The following ATP8A2 variants were observed in gnomAD, a reference collection of about 807,000 sequenced individuals.
The protein encoded by ATP8A2 is phospholipid-transporting ATPase IB.
Under a neutral mutation model 165.6 loss-of-function variants are expected in ATP8A2, and 100 were observed. The ratio of observed to expected loss-of-function variants is 0.60; its 90% CI spans 0.51 to 0.71. The LOEUF (loss-of-function observed/expected upper bound fraction) is 0.71, where lower values mean the gene tolerates loss of function less well. Among genes scored for constraint, ATP8A2 ranks in the 30% least tolerant of loss-of-function variants. The pLI, the probability that ATP8A2 is intolerant of heterozygous loss-of-function variation, is 0.00. For synonymous variants in ATP8A2, 543 were observed against 548.8 expected, an observed-to-expected ratio of 0.99 and a Z score of 0.15; for missense variants, 1,227 against 1,479.5, an observed-to-expected ratio of 0.83 and a Z score of 2.80.
At chr13:25,531,271 G>GAT (rs1361089435) in intron 4 of ATP8A2, among the ~76,000 whole-genome samples, 1 of 98,998 alleles carries the variant, frequency 1.0e-5, no homozygotes, top group Non-Finnish European at 2.0e-5. Context: ...TGATATATAT[G>GAT]ATATATATGT....
Position 25,973,810 on chromosome 13 carries a change from T to C in ATP8A2, c.3377+5131T>C, listed in dbSNP as rs140168342. Among the ~76,000 whole-genome samples the C allele has an allele frequency of 4.3e-3, 656 of 152,352 alleles. 6 individuals are homozygous for C. The highest frequency in any genetic ancestry group is 0.015 in the African/African-American group (612 of 41,590). On this transcript the variant is annotated intron_variant, in intron 35 of 36. Transcript: ENST00000381655. ...GGCCTTTTGCACCGGACTCCAACAA[T>C]GACTGCGTCACTTCAGGAAATCGGT...
At chr13:25,530,744 A>G (rs1247018519) in intron 4 of ATP8A2, 84 bp downstream of exon 4, 2 of 864,824 alleles carry the variant, frequency 2.3e-6, no homozygotes, top group East Asian at 2.7e-5. Flanking sequence ...TATTTAAGGC[A>G]GGAAATTGGG....
intron 1 of ATP8A2, among the ~76,000 whole-genome samples, chr13:25,420,253 TGAAAA>T (rs375553018): frequency 7.2e-5 from 11 of 152,304 alleles, no homozygotes; most frequent in Non-Finnish European, 1.3e-4. Context: ...AAAAACCACT[TGAAAA>T]GAACCATTTT....
At chr13:25,899,124 C>G (rs767789641) in intron 33 of ATP8A2, among the ~76,000 whole-genome samples, 1 of 152,234 alleles carries the variant, frequency 6.6e-6, no homozygotes, top group African/African-American at 2.4e-5. Context: ...GTGTCGCTCA[C>G]TCTGGGAACT....
intron 24 of ATP8A2, among the ~76,000 whole-genome samples, chr13:25,673,934 G>T (rs1002340491): frequency 6.6e-6 from 1 of 152,256 alleles, no homozygotes; most frequent in East Asian, 1.9e-4. Flanking sequence ...TCCATATGCC[G>T]CTTTGTCATC....
intron 35 of ATP8A2, among the ~76,000 whole-genome samples, chr13:26,011,773 A>G (rs1250432473): frequency 6.6e-6 from 1 of 152,030 alleles, no homozygotes; most frequent in Non-Finnish European, 1.5e-5. Context: ...GTCTCTGCAA[A>G]AAATGTTTAA....
chr13:26,015,400 T>G (rs1220831406), intron 36 of ATP8A2, among the ~76,000 whole-genome samples: 1 of 152,174 alleles, frequency 6.6e-6, no homozygotes, highest in African/African-American at 2.4e-5. Context: ...TTTTAGTTCC[T>G]GTGAGCCACC....
chr13:25,651,990 G>A (rs1245104321), intron 24 of ATP8A2, among the ~76,000 whole-genome samples: 1 of 152,024 alleles, frequency 6.6e-6, no homozygotes, highest in Non-Finnish European at 1.5e-5. Context: ...ATCTCTAACT[G>A]TAATCAAACT....
At chr13:25,862,432 T>C in intron 33 of ATP8A2, 24 bp downstream of exon 33, 1 of 1,527,768 alleles carries the variant, frequency 6.5e-7, no homozygotes, top group Non-Finnish European at 9.1e-7. Context: ...ATTGGGAGTG[T>C]GTCTTCTGTG....
At chr13:25,596,148 C>G (rs558322432) in intron 24 of ATP8A2, among the ~76,000 whole-genome samples, 1 of 152,184 alleles carries the variant, frequency 6.6e-6, no homozygotes, top group Non-Finnish European at 1.5e-5. Flanking sequence ...CTTTAAGCTT[C>G]CCAGTGCAGT....
chr13:25,473,895 A>T (rs1051854618), intron 2 of ATP8A2, among the ~76,000 whole-genome samples: 11 of 152,232 alleles, frequency 7.2e-5, no homozygotes, highest in Admixed American at 5.9e-4. Flanking sequence ...TCCCCCAGAA[A>T]AATCTTGAAA....
At chr13:25,905,834 G>T (rs912833497) in intron 33 of ATP8A2, among the ~76,000 whole-genome samples, 1 of 152,106 alleles carries the variant, frequency 6.6e-6, no homozygotes, top group Non-Finnish European at 1.5e-5. Context: ...GCCCTTCCTC[G>T]CCCTGAGGGC....
chr13:25,917,372 G>A lies in ATP8A2; in HGVS notation c.3184-44203G>A, dbSNP rs144328217. 3.9e-5 allele frequency among the ~76,000 whole-genome samples: 6 copies of A among 152,234 alleles called. No individual in the cohort carries two copies. The East Asian group carries it at 5.8e-4, about 15-fold the overall frequency. The stretch of plus-strand genomic sequence containing the variant: ...CAGAGAACCAGTTTTAACTTACTCC[G>A]CAGCTGAAATTACCAGATGCAAAGT... On this transcript the variant is annotated intron_variant, in intron 33 of 36. Transcript: ENST00000381655.
At chr13:25,728,245 C>A (rs1316710594) in intron 25 of ATP8A2, among the ~76,000 whole-genome samples, 2 of 152,172 alleles carry the variant, frequency 1.3e-5, no homozygotes, top group African/African-American at 4.8e-5. Flanking sequence ...TGAAGTGAAA[C>A]CTGCCTGGCT....
chr13:25,828,054 T>C, intron 27 of ATP8A2, 64 bp from the exon 28 acceptor site: 1 of 1,318,514 alleles, frequency 7.6e-7, no homozygotes, highest in Non-Finnish European at 1.1e-6. Context: ...CGCTACTTCT[T>C]CAGTGAATGG....
At chr13:25,645,041 T>C (rs1308388277) in intron 24 of ATP8A2, among the ~76,000 whole-genome samples, 1 of 152,178 alleles carries the variant, frequency 6.6e-6, no homozygotes, top group Non-Finnish European at 1.5e-5. Flanking sequence ...ATTTTTCTAG[T>C]CTTTATTTTA....
intron 1 of ATP8A2, among the ~76,000 whole-genome samples, chr13:25,438,314 C>G (rs554587035): frequency 6.6e-6 from 1 of 152,236 alleles, no homozygotes; most frequent in East Asian, 1.9e-4. Flanking sequence ...TTTTCACTTT[C>G]TACAAATGAT....
At chr13:25,696,646 C>T (rs2042840044) in intron 24 of ATP8A2, among the ~76,000 whole-genome samples, 1 of 152,322 alleles carries the variant, frequency 6.6e-6, no homozygotes, top group African/African-American at 2.4e-5. Context: ...AGCTCCCTCA[C>T]CTCTCTCAGC....
intron 33 of ATP8A2, among the ~76,000 whole-genome samples, chr13:25,907,363 A>T (rs867203683): frequency 1.4e-4 from 21 of 151,892 alleles, no homozygotes; most frequent in African/African-American, 3.1e-4. Flanking sequence ...AAATAAATAA[A>T]AAAATAAAAT....
Sources: allele counts gnomAD v4.1 joint callset (sites outside exome capture counted in the v4.1 genomes callset), GRCh38; gene constraint gnomAD v4.1.1; transcripts MANE v1.5; gene names NCBI Gene and HGNC (gene_info 2026-07-23, HGNC 2026-07-21).